Variants in NTRK3 observed in about 807,000 individuals in gnomAD.
The protein encoded by NTRK3 is neurotrophic receptor tyrosine kinase 3.
A neutral mutation model predicts 91.7 loss-of-function variants in NTRK3; 24 were observed. The observed-to-expected ratio is 0.26, with a 90% CI of 0.19 to 0.37. NTRK3 has a LOEUF of 0.37. NTRK3 is among the 10% of genes least tolerant of loss of function. The pLI, the probability that NTRK3 is intolerant of heterozygous loss-of-function variation, is 1.00. For missense variants in NTRK3, 880 were observed against 1,068.9 expected, an observed-to-expected ratio of 0.82 and a Z score of 2.46; for synonymous variants, 483 against 404.0, an observed-to-expected ratio of 1.20 and a Z score of -2.34.
chr15:87,966,135 C>T (rs2141238114), intron 14 of NTRK3, among the ~76,000 whole-genome samples: 1 of 152,240 alleles, frequency 6.6e-6, no homozygotes, highest in South Asian at 2.1e-4. Flanking sequence ...AACTAGGTGT[C>T]TTTCCTCTAT....
At chr15:88,228,408 C>T (rs2050869598) in intron 3 of NTRK3, among the ~76,000 whole-genome samples, 1 of 152,172 alleles carries the variant, frequency 6.6e-6, no homozygotes, top group South Asian at 2.1e-4. Context: ...CTTCCTGAAA[C>T]ATGAGTCTCA....
chr15:87,891,123 A>C, intron 17 of NTRK3, among the ~76,000 whole-genome samples: 1 of 150,570 alleles, frequency 6.6e-6, no homozygotes, highest in Admixed American at 6.6e-5. Context: ...AGTATATTAG[A>C]GAGAGTTTCA....
At chr15:88,084,653 T>A (rs2048340666) in intron 13 of NTRK3, among the ~76,000 whole-genome samples, 1 of 152,104 alleles carries the variant, frequency 6.6e-6, no homozygotes, top group African/African-American at 2.4e-5. Flanking sequence ...CCCCCAACCC[T>A]CTCACCTTGT....
chr15:88,157,730 G>GGA (rs1370381379), intron 5 of NTRK3, among the ~76,000 whole-genome samples: 1 of 152,120 alleles, frequency 6.6e-6, no homozygotes, highest in African/African-American at 2.4e-5. Flanking sequence ...ACTTGGGAGA[G>GGA]GAGATAACTT....
intron 14 of NTRK3, chr15:87,981,472 G>A (rs1428439510): frequency 6.8e-7 from 1 of 1,468,584 alleles, no homozygotes. Flanking sequence ...AGAAATCCAG[G>A]TTTCTCAGCT....
intron 5 of NTRK3, among the ~76,000 whole-genome samples, chr15:88,159,395 T>C (rs2044224350): frequency 6.6e-6 from 1 of 152,148 alleles, no homozygotes; most frequent in African/African-American, 2.4e-5. Context: ...ATTCCGGGTA[T>C]CAGAATCACC....
At chr15:87,866,872 A>G (rs1213973710) in exon 19 of NTRK3, 30 of 208,520 alleles carry the variant, frequency 1.4e-4, no homozygotes, top group Non-Finnish European at 2.9e-4. Flanking sequence ...TAGTCACTTC[A>G]CTAAATAAAT....
chr15:88,032,836 G>C (rs761247974), intron 14 of NTRK3, 21 bp downstream of exon 14: 3 of 1,613,402 alleles, frequency 1.9e-6, no homozygotes, highest in Non-Finnish European at 2.5e-6. Context: ...AGGAGGGAGA[G>C]CATTCCATCC....
intron 14 of NTRK3, among the ~76,000 whole-genome samples, chr15:88,017,865 A>G (rs905401849): frequency 1.3e-5 from 2 of 152,210 alleles, no homozygotes; most frequent in Non-Finnish European, 2.9e-5. Flanking sequence ...CAACCAATCA[A>G]TGAGCCATTA....
intron 14 of NTRK3, among the ~76,000 whole-genome samples, chr15:88,002,214 A>G (rs1369899282): frequency 8.0e-6 from 1 of 125,082 alleles, no homozygotes; most frequent in Non-Finnish European, 1.6e-5. Context: ...AAAATCTAAG[A>G]GTTGGACTAT....
chr15:87,866,453 AC>A (rs988363692), exon 19 of NTRK3: 5 of 167,520 alleles, frequency 3.0e-5, no homozygotes, highest in Middle Eastern at 2.4e-3. Context: ...ATACACACAC[AC>A]CCCTATATAT....
intron 14 of NTRK3, among the ~76,000 whole-genome samples, chr15:87,941,472 TACACACAC>T (rs10544243): frequency 1.2e-3 from 180 of 148,980 alleles, no homozygotes; most frequent in South Asian, 9.0e-3. Context: ...CACATACACA[TACACACAC>T]ACACACACAC....
intron 5 of NTRK3, among the ~76,000 whole-genome samples, chr15:88,153,096 T>A (rs1483549785): frequency 6.6e-6 from 1 of 152,210 alleles, no homozygotes; most frequent in African/African-American, 2.4e-5. Context: ...TCCTGCAAGC[T>A]CCCAGGGTCT....
intron 17 of NTRK3, among the ~76,000 whole-genome samples, chr15:87,892,269 C>T (rs1055150180): frequency 6.6e-6 from 1 of 151,998 alleles, no homozygotes; most frequent in Non-Finnish European, 1.5e-5. Context: ...TATCTGTTTG[C>T]AAGTTGGATA....
intron 3 of NTRK3, among the ~76,000 whole-genome samples, chr15:88,214,853 T>A (rs893625804): frequency 5.3e-5 from 8 of 152,190 alleles, no homozygotes; most frequent in African/African-American, 1.9e-4. Flanking sequence ...GGTGAGCCCC[T>A]GAAGTGCAGG....
chr15:88,162,448 C>T (rs1049278467), intron 5 of NTRK3, among the ~76,000 whole-genome samples: 2 of 152,024 alleles, frequency 1.3e-5, no homozygotes, highest in African/African-American at 2.4e-5. Flanking sequence ...TGTGAATGAA[C>T]GGGGGATCAG....
intron 13 of NTRK3, among the ~76,000 whole-genome samples, chr15:88,057,509 A>T (rs906558001): frequency 2.6e-5 from 4 of 152,146 alleles, no homozygotes; most frequent in African/African-American, 9.7e-5. Flanking sequence ...AAAGAAAAAA[A>T]AAAAAGAAAG....
chr15:88,100,083 G>A (rs1306192394), intron 13 of NTRK3, among the ~76,000 whole-genome samples: 1 of 152,098 alleles, frequency 6.6e-6, no homozygotes, highest in Non-Finnish European at 1.5e-5. Context: ...GAGGATAAAG[G>A]TTTCCCCATC....
At chr15:87,950,382 C>G (rs541508490) in intron 14 of NTRK3, among the ~76,000 whole-genome samples, 1 of 152,176 alleles carries the variant, frequency 6.6e-6, no homozygotes, top group Non-Finnish European at 1.5e-5. Context: ...TAAAACTGAG[C>G]TGCTTCAGGC....
Sources: gnomAD v4.1 joint callset for allele counts (sites outside exome capture counted in the v4.1 genomes callset) on GRCh38, gnomAD v4.1.1 for gene constraint, MANE v1.5 for transcripts, NCBI Gene and HGNC (gene_info 2026-07-23, HGNC 2026-07-21) for gene names.